The following PAQR6 variants were observed in gnomAD, a reference collection of about 807,000 sequenced individuals.
PAQR6 encodes the protein membrane progestin receptor delta.
In PAQR6, 34 loss-of-function variants were observed where a neutral mutation model predicts 36.2. The observed-to-expected ratio is 0.94, with a 90% CI of 0.71 to 1.25. The LOEUF (loss-of-function observed/expected upper bound fraction) is 1.25. Ranked by LOEUF, PAQR6 falls within the 50% of genes most tolerant of loss-of-function variation. PAQR6 has a pLI of 0.00. For synonymous variants in PAQR6, 190 were observed against 190.7 expected (o/e 1.00, Z 0.03); for missense variants, 431 against 445.7 (o/e 0.97, Z 0.30).
Position 156,245,148 on chromosome 1 carries a change from A to G in PAQR6, c.603T>C (p.Phe201=). Residue 201 remains phenylalanine (F), a synonymous_variant, in exon 6 of 8, where the codon TTT becomes TTC. Transcript: ENST00000292291. ...YPFLFDNLPL[F]YRLGLCWGRG... ...GGGCCCTAGGCCTCCTTACCCGATA[A>G]AAGAGTGGGAGGTTGTCGAACAGGA... 1 of 1,613,782 alleles carries G rather than the reference A, an allele frequency of 6.2e-7. No individual in the cohort carries two copies. The highest frequency in any genetic ancestry group is 8.5e-7 in the Non-Finnish European group (1 of 1,179,814).
chr1:156,244,948 CG>C (rs1558212561), intron 6 of PAQR6, 37 bp from the exon 7 acceptor site: 3 of 1,601,720 alleles, frequency 1.9e-6, no homozygotes, highest in Non-Finnish European at 2.6e-6. Context: ...GGGAGGGACT[CG>C]GGAGCCGAAA....
rs377649430 is a variant in PAQR6, at chr1:156,243,825, C to T, written c.*304G>A. On this transcript the variant is annotated 3_prime_UTR_variant, in exon 8 of 8. Coordinates refer to ENST00000292291, the MANE Select transcript of PAQR6 (RefSeq NM_198406.3). ...GCCAGATGAAAGGACCCCAACACCTCCCCCCGCCAACCTTTGACAGAATAT... is the reference window on the plus strand; with the variant it reads ...GCCAGATGAAAGGACCCCAACACCTTCCCCCGCCAACCTTTGACAGAATAT... 13 of 1,537,328 alleles carry T rather than the reference C, an allele frequency of 8.5e-6. No homozygotes were observed. The highest frequency in any genetic ancestry group is 2.5e-5 in the South Asian group (2 of 79,940).
chr1:156,246,028 A>G (rs1418444834), intron 3 of PAQR6, 41 bp from the exon 4 acceptor site: 5 of 1,585,350 alleles, frequency 3.2e-6, no homozygotes, highest in Non-Finnish European at 2.6e-6. Flanking sequence ...GACCCCCGCG[A>G]CTGCCGCTGC....
At chr1:156,247,222 G>A (rs961379348) in intron 1 of PAQR6, among the ~76,000 whole-genome samples, 4 of 152,244 alleles carry the variant, frequency 2.6e-5, no homozygotes, top group Non-Finnish European at 4.4e-5. Flanking sequence ...GAAGCCAGAT[G>A]CCATCAGGTG....
intron 7 of PAQR6, 38 bp downstream of exon 7, chr1:156,244,723 C>T (rs750978487): frequency 8.1e-6 from 13 of 1,613,742 alleles, no homozygotes; most frequent in Non-Finnish European, 1.1e-5. Context: ...AGGCATCTGC[C>T]CCTGCCTCTT....
chr1:156,244,711 G>C, intron 7 of PAQR6, 50 bp downstream of exon 7: 1 of 1,613,402 alleles, frequency 6.2e-7, no homozygotes, highest in Middle Eastern at 1.7e-4. Flanking sequence ...TGTGCTCTGG[G>C]AAGGCATCTG....
In PAQR6 at chr1:156,244,106, A is replaced by G. The variant is rs773974359; in HGVS notation, c.*23T>C. ...CTGGGGCCTGGCCTCTGCCCCCTCC[A>G]GGACAGGGTCAGGGATGGGGCCTCA... On this transcript the variant is annotated 3_prime_UTR_variant, in exon 8 of 8. Transcript: ENST00000292291. The G allele has an allele frequency of 8.1e-6, 13 of 1,608,096 alleles. No individual in the cohort carries two copies. In the South Asian group the frequency reaches 8.8e-5, roughly 11 times the overall value.
chr1:156,243,676 G>T lies in PAQR6; in HGVS notation c.*453C>A. The T allele has an allele frequency of 1.4e-6, 1 of 737,894 alleles. No individual in the cohort carries two copies. Among genetic ancestry groups the T allele is most frequent in the Non-Finnish European group, 2.2e-6 (1 of 460,304 alleles). 45.7% of individuals were successfully genotyped at this position (737,894 alleles called of 1,614,324 possible). A position where few individuals can be genotyped will look rare whatever the true frequency, so the allele number is the denominator to read the frequency against. On this transcript the variant is annotated 3_prime_UTR_variant, in exon 8 of 8. Transcript: ENST00000292291. ...CAAACTGGCATTACCTGGTTTGTGG[G>T]GATGGGGGGGCAAGTGTGTGGCCTC...
At chr1:156,244,457 C>T in intron 7 of PAQR6, 54 bp from the exon 8 acceptor site, 1 of 1,445,950 alleles carries the variant, frequency 6.9e-7, no homozygotes, top group Non-Finnish European at 9.1e-7. Flanking sequence ...CAAGTCACCC[C>T]ATCCTCTGGG....
Position 156,244,416 on chromosome 1 carries a change from T to C in PAQR6, c.761-13A>G. ...TGGTGGCTGTGGCCTGTGGAGAGGA[T>C]GGGCAGGTCAGAGCCACACCTTTCC... On this transcript the variant is annotated splice_polypyrimidine_tract_variant and intron_variant, in intron 7 of 7. Coordinates refer to ENST00000292291, the MANE Select transcript of PAQR6 (RefSeq NM_198406.3). The C allele has an allele frequency of 6.7e-7, 1 of 1,496,872 alleles. No homozygotes were observed. The allele number at this position is 1,496,872 out of a possible 1,614,324, so 92.7% of individuals were successfully genotyped here. A position where few individuals can be genotyped will look rare whatever the true frequency, so the allele number is the denominator to read the frequency against.
chr1:156,246,153 A>AC lies in PAQR6; in HGVS notation c.148dup (p.Val50GlyfsTer133). 6.2e-7 allele frequency: 1 copy of AC among 1,612,842 alleles called. No individual in the cohort carries two copies. The highest frequency in any genetic ancestry group is 8.5e-7 in the Non-Finnish European group (1 of 1,179,922). ...GGGCAGGAAGTGAGTCCAGATGTTG[A>AC]CCGTCTCGTTGGTCATCTGGAAGGA... On this transcript the variant is annotated frameshift_variant, in exon 3 of 8. Transcript: ENST00000292291. LOFTEE classifies it high-confidence loss of function.
Position 156,245,576 on chromosome 1 carries a change from T to C in PAQR6, c.471A>G (p.Ala157=). Residue 157 remains alanine, a synonymous_variant, in exon 5 of 8, where the codon GCA becomes GCG. Transcript: ENST00000292291. ...HLHQFFVPAA[A]LNSFLCTGLS... ...GGCCGGTGCACAGGAAGGAGTTGAGTGCGGCGGCAGGCACAAAGAACTGGT... is the reference window on the plus strand; with the variant it reads ...GGCCGGTGCACAGGAAGGAGTTGAGCGCGGCGGCAGGCACAAAGAACTGGT... 1 of 1,612,158 alleles carries C rather than the reference T, an allele frequency of 6.2e-7. No individual in the cohort carries two copies. Among genetic ancestry groups the C allele is most frequent in the Middle Eastern group, 1.9e-4 (1 of 5,402 alleles).
chr1:156,245,950 G>T lies in PAQR6; in HGVS notation c.217C>A (p.Pro73Thr). ...TGGTACGGCTCCGCACGGAAGCCGGGGCCGCCCGCCAGCGCCAGGAGCCGC... is the reference window on the plus strand; with the variant it reads ...TGGTACGGCTCCGCACGGAAGCCGGTGCCGCCCGCCAGCGCCAGGAGCCGC... ...LWRLLALAGG[P>T]GFRAEPYHWP... Residue 73 changes from proline to threonine, a missense_variant, in exon 4 of 8, where the codon CCC (proline) becomes ACC (threonine). Pro to Thr is a conservative substitution (Grantham distance 38). Coordinates refer to ENST00000292291, the MANE Select transcript of PAQR6 (RefSeq NM_198406.3). 1 of 1,534,060 alleles carries T rather than the reference G, an allele frequency of 6.5e-7. No individual in the cohort carries two copies. The highest frequency in any genetic ancestry group is 8.7e-7 in the Non-Finnish European group (1 of 1,143,200).
At position 156,244,024 on chromosome 1, in the gene PAQR6, T is replaced by C. The variant is rs202154972; in HGVS notation, c.*105A>G. On this transcript the variant is annotated 3_prime_UTR_variant, in exon 8 of 8. Coordinates refer to ENST00000292291, the MANE Select transcript of PAQR6 (RefSeq NM_198406.3). ...CCCTCTCTCCTCAGCCCCTGTTGGT[T>C]CCAGGCTGAGATGCGTCCCCACCTG... 8.7e-6 allele frequency: 14 copies of C among 1,614,034 alleles called. No homozygotes were observed. The highest frequency in any genetic ancestry group is 1.1e-5 in the Non-Finnish European group (13 of 1,180,024).
chr1:156,244,456 C>A, intron 7 of PAQR6, 53 bp from the exon 8 acceptor site: 1 of 1,446,388 alleles, frequency 6.9e-7, no homozygotes, highest in South Asian at 1.4e-5. Context: ...GCAAGTCACC[C>A]CATCCTCTGG....
At position 156,243,857 on chromosome 1, in the gene PAQR6, A is replaced by G. The variant is rs1271280452; in HGVS notation, c.*272T>C. On this transcript the variant is annotated 3_prime_UTR_variant, in exon 8 of 8. Transcript: ENST00000292291. ...CCAACCTTTGACAGAATATAGGGGC[A>G]TCTTCAGCCTGGACACGCATGCATC... The G allele has an allele frequency of 1.3e-6, 2 of 1,586,060 alleles. No homozygotes were observed. The highest frequency in any genetic ancestry group is 4.5e-5 in the East Asian group (2 of 44,474).
chr1:156,246,356 G>T, intron 2 of PAQR6, 106 bp from the exon 3 acceptor site: 1 of 1,085,210 alleles, frequency 9.2e-7, no homozygotes. Context: ...AGATCAACGT[G>T]GCCCCCAAGC....
In PAQR6 at chr1:156,243,906, T is replaced by C. The variant is rs1437114004; in HGVS notation, c.*223A>G. On this transcript the variant is annotated 3_prime_UTR_variant, in exon 8 of 8. Transcript: ENST00000292291. ...TCTCCCCTCTCAGACCCTCAGCACT[T>C]CTTCCACTCCCATCAAGAGCCCCCT... The C allele has an allele frequency of 7.4e-6, 12 of 1,612,710 alleles. No homozygotes were observed. Among genetic ancestry groups the C allele is most frequent in the Admixed American group, 1.7e-5 (1 of 59,936 alleles).
chr1:156,244,955 C>G (rs576343756), intron 6 of PAQR6, 44 bp from the exon 7 acceptor site: 11 of 1,600,152 alleles, frequency 6.9e-6, no homozygotes, highest in East Asian at 6.7e-5. Flanking sequence ...ACTCGGGAGC[C>G]GAAACATGGG....
Sources: allele counts gnomAD v4.1 joint callset (sites outside exome capture counted in the v4.1 genomes callset), GRCh38; gene constraint gnomAD v4.1.1; transcripts MANE v1.5; gene names NCBI Gene and HGNC (gene_info 2026-07-23, HGNC 2026-07-21).